RBFOX1: variants seen among roughly 807,000 people sequenced by gnomAD.
The protein encoded by RBFOX1 is RNA binding protein fox-1 homolog 1.
A neutral mutation model predicts 57.7 loss-of-function variants in RBFOX1; 8 were observed. That is an observed-to-expected ratio of 0.14 (90% confidence interval 0.08 to 0.25). The LOEUF (loss-of-function observed/expected upper bound fraction) is 0.25. RBFOX1 is among the 10% of genes least tolerant of loss of function. The pLI is 1.00. For missense variants in RBFOX1, 611 were observed against 548.5 expected (o/e 1.11, Z -1.14); for synonymous variants, 326 against 222.4 (o/e 1.47, Z -4.15).
chr16:7,360,764 G>A (rs1357017931), intron 4 of RBFOX1, among the ~76,000 whole-genome samples: 1 of 152,088 alleles, frequency 6.6e-6, no homozygotes, highest in Admixed American at 6.5e-5. Flanking sequence ...TTTCCTATCT[G>A]TGTTGGCCAA....
At chr16:7,649,232 C>T (rs1407159039) in intron 11 of RBFOX1, among the ~76,000 whole-genome samples, 1 of 152,062 alleles carries the variant, frequency 6.6e-6, no homozygotes, top group South Asian at 2.1e-4. Flanking sequence ...AAAATAAGAT[C>T]ATGGGGAAAT....
At chr16:6,260,610 G>A (rs1278654523) in intron 1 of RBFOX1, among the ~76,000 whole-genome samples, 2 of 152,222 alleles carry the variant, frequency 1.3e-5, no homozygotes, top group Non-Finnish European at 2.9e-5. Flanking sequence ...AGGCATGGTG[G>A]CTCATGCCTG....
At chr16:6,326,075 T>C (rs776952049) in intron 2 of RBFOX1, among the ~76,000 whole-genome samples, 18 of 152,216 alleles carry the variant, frequency 1.2e-4, no homozygotes, top group Non-Finnish European at 2.6e-4. Context: ...TAACTCTTAT[T>C]GAACCTCAGT....
Position 7,273,576 on chromosome 16 carries a change from A to G in RBFOX1, c.27+221478A>G, listed in dbSNP as rs536283051. On this transcript the variant is annotated intron_variant, in intron 4 of 15. Coordinates refer to ENST00000550418, the MANE Select transcript of RBFOX1 (RefSeq NM_018723.4). ...ACCTCTTTGTGCCTTCATTTTTTCA[A>G]TGGAAAAGTTGCAAACAAGATACTT... is the stretch of plus-strand genomic sequence containing the variant. Among the ~76,000 whole-genome samples the G allele has an allele frequency of 5.3e-5, 8 of 152,276 alleles. No homozygotes were observed. In the South Asian group the frequency reaches 6.2e-4, roughly 12 times the overall value.
chr16:7,511,382 T>A (rs11646621), intron 4 of RBFOX1, among the ~76,000 whole-genome samples: 12,078 of 152,074 alleles, frequency 0.079, 557 homozygotes, highest in East Asian at 0.12. Context: ...ACAACAAAAC[T>A]CTCTCATCTT....
chr16:7,379,342 C>G (rs1005965104), intron 4 of RBFOX1, among the ~76,000 whole-genome samples: 1 of 152,118 alleles, frequency 6.6e-6, no homozygotes, highest in African/African-American at 2.4e-5. Flanking sequence ...ACAGTATTAT[C>G]TGATGGAGGA....
chr16:6,768,831 C>T (rs1014116172), intron 3 of RBFOX1, among the ~76,000 whole-genome samples: 3 of 151,122 alleles, frequency 2.0e-5, no homozygotes, highest in Non-Finnish European at 4.4e-5. Context: ...AGGTTTCAAG[C>T]GATTCTTCTG....
intron 1 of RBFOX1, among the ~76,000 whole-genome samples, chr16:5,310,209 C>T (rs961614115): frequency 7.9e-5 from 12 of 152,222 alleles, no homozygotes; most frequent in African/African-American, 2.6e-4. Flanking sequence ...GACCAGCTGC[C>T]TGGCCAACAT....
intron 3 of RBFOX1, among the ~76,000 whole-genome samples, chr16:5,759,353 C>G (rs2053512432): frequency 1.3e-5 from 2 of 152,310 alleles, no homozygotes; most frequent in Middle Eastern, 3.4e-3. Context: ...TGTTCTGATG[C>G]TTGTATTTCC....
At chr16:5,976,345 A>G (rs1261263394) in intron 4 of RBFOX1, among the ~76,000 whole-genome samples, 1 of 152,196 alleles carries the variant, frequency 6.6e-6, no homozygotes, top group Admixed American at 6.5e-5. Flanking sequence ...CCTTTATGGC[A>G]GGACTTAGTC....
At chr16:6,961,506 A>G (rs573341039) in intron 3 of RBFOX1, among the ~76,000 whole-genome samples, 1 of 152,254 alleles carries the variant, frequency 6.6e-6, no homozygotes, top group East Asian at 1.9e-4. Context: ...AGAAGAAAGA[A>G]TCAGAGCGAG....
At chr16:5,372,089 C>T (rs186987184) in intron 1 of RBFOX1, among the ~76,000 whole-genome samples, 10 of 152,310 alleles carry the variant, frequency 6.6e-5, no homozygotes, top group African/African-American at 1.7e-4. Flanking sequence ...ATTTCCTTTG[C>T]AGCCCAGTGG....
chr16:5,906,489 A>G (rs960124291), intron 4 of RBFOX1, among the ~76,000 whole-genome samples: 10 of 152,116 alleles, frequency 6.6e-5, no homozygotes, highest in African/African-American at 2.4e-4. Flanking sequence ...CAACGCCTTG[A>G]TCTTGCACTT....
intron 3 of RBFOX1, among the ~76,000 whole-genome samples, chr16:5,817,306 C>T (rs996473412): frequency 2.6e-5 from 4 of 152,166 alleles, no homozygotes; most frequent in Admixed American, 6.5e-5. Flanking sequence ...TCCCCAGTTC[C>T]CCTCACATTT....
chr16:6,932,457 A>G (rs1392306800), intron 3 of RBFOX1, among the ~76,000 whole-genome samples: 1 of 152,176 alleles, frequency 6.6e-6, no homozygotes, highest in Non-Finnish European at 1.5e-5. Context: ...ATTGGCAGTT[A>G]CATTTCAACC....
intron 3 of RBFOX1, among the ~76,000 whole-genome samples, chr16:7,048,126 C>T (rs746625736): frequency 1.6e-4 from 24 of 152,018 alleles, no homozygotes; most frequent in Admixed American, 3.9e-4. Context: ...TGATCCGACC[C>T]GCTTGGCTTC....
intron 2 of RBFOX1, among the ~76,000 whole-genome samples, chr16:6,388,966 A>G (rs527833780): frequency 5.4e-4 from 82 of 152,314 alleles, no homozygotes; most frequent in African/African-American, 1.9e-3. Flanking sequence ...GGACAATGAC[A>G]TCACTTGAAA....
intron 3 of RBFOX1, among the ~76,000 whole-genome samples, chr16:6,822,685 G>A (rs1040130520): frequency 6.6e-6 from 1 of 152,176 alleles, no homozygotes. Context: ...GCTATGGTGT[G>A]TTTTTAAAGA....
intron 4 of RBFOX1, chr16:7,126,536 G>T: frequency 4.6e-6 from 1 of 218,442 alleles, no homozygotes; most frequent in Non-Finnish European, 9.7e-6. Context: ...TTTCTTAATG[G>T]CCTTGTCTTT....
Sources: gnomAD v4.1 joint callset for allele counts (sites outside exome capture counted in the v4.1 genomes callset) on GRCh38, gnomAD v4.1.1 for gene constraint, MANE v1.5 for transcripts, NCBI Gene and HGNC (gene_info 2026-07-23, HGNC 2026-07-21) for gene names.